Variants in ESYT2 observed in about 807,000 individuals in gnomAD.
The protein encoded by ESYT2 is extended synaptotagmin-2.
ESYT2 carries 54 observed loss-of-function variants against 107.2 expected under a neutral mutation model. The ratio of observed to expected loss-of-function variants is 0.50; its 90% CI spans 0.40 to 0.63. ESYT2 has a LOEUF of 0.63. ESYT2 is among the 30% of genes least tolerant of loss of function. ESYT2 has a pLI of 0.00. For synonymous variants in ESYT2, 491 were observed against 434.1 expected, an observed-to-expected ratio of 1.13 and a Z score of -1.63; for missense variants, 1,020 against 1,094.5, an observed-to-expected ratio of 0.93 and a Z score of 0.96.
intron 15 of ESYT2, among the ~76,000 whole-genome samples, chr7:158,748,494 C>T (rs1264857025): frequency 6.6e-6 from 1 of 152,108 alleles, no homozygotes; most frequent in South Asian, 2.1e-4. Flanking sequence ...GATAACGAGA[C>T]GGTCTAAAGC....
intron 10 of ESYT2, 92 bp downstream of exon 10, chr7:158,762,991 T>C (rs897514534): frequency 3.8e-6 from 3 of 789,246 alleles, no homozygotes; most frequent in Admixed American, 2.5e-5. Context: ...AGACAACAAG[T>C]ATACAAATGT....
chr7:158,780,927 T>C (rs1838758798), intron 6 of ESYT2, among the ~76,000 whole-genome samples: 1 of 152,110 alleles, frequency 6.6e-6, no homozygotes, highest in Non-Finnish European at 1.5e-5. Flanking sequence ...AACACGTGTG[T>C]ATGAGTGAGA....
rs777939452 is a variant in ESYT2 at position 158,749,720 on chromosome 7, C to T, written c.1486G>A (p.Gly496Arg). The T allele has an allele frequency of 2.5e-6, 4 of 1,613,810 alleles. No individual in the cohort carries two copies. The highest frequency in any genetic ancestry group is 2.2e-5 in the South Asian group (2 of 91,022). ...TTTGGGTTGCTGCTTATTTTCTTCC[C>T]TGACTACCCAAAACAAACAGAAAAC... Reference protein sequence around the residue: ...KTAVQRALKSGKKISSNPNPV... With the variant: ...KTAVQRALKSRKKISSNPNPV... The change falls in exon 15 of 23, where the codon GGG (glycine) becomes AGG (arginine). Residue 496 changes from glycine to arginine, a missense_variant. By Grantham distance (125) the Gly-to-Arg change is moderately radical (BLOSUM62 -2). Transcript: ENST00000275418.
chr7:158,800,900 T>C lies in ESYT2; in HGVS notation c.331-1828A>G, dbSNP rs541682354. Among the ~76,000 whole-genome samples, 4 of 152,256 alleles carry C rather than the reference T, an allele frequency of 2.6e-5. 1 individual carries two copies. The highest frequency in any genetic ancestry group is 9.6e-5 in the African/African-American group (4 of 41,572). On this transcript the variant is annotated intron_variant, in intron 1 of 22. Transcript: ENST00000275418. Reference sequence around the variant, plus strand: ...GGTACCGCCACACCCTGCTAATTTTTGTATTTTTAGTAGAGATGGGGTTTC... The same window carrying C: ...GGTACCGCCACACCCTGCTAATTTTCGTATTTTTAGTAGAGATGGGGTTTC...
intron 1 of ESYT2, chr7:158,827,771 C>G (rs1187210744): frequency 6.6e-6 from 1 of 152,178 alleles, no homozygotes; most frequent in Non-Finnish European, 1.5e-5. Flanking sequence ...CTTTTCTCCT[C>G]TAAGAGAAAA....
At chr7:158,759,804 T>C (rs1356422456) in intron 12 of ESYT2, among the ~76,000 whole-genome samples, 2 of 152,232 alleles carry the variant, frequency 1.3e-5, no homozygotes, top group Non-Finnish European at 2.9e-5. Flanking sequence ...TTTCTGGCTC[T>C]ACAAATCCCT....
Position 158,741,505 on chromosome 7 carries a change from A to T in ESYT2, c.2168+18T>A. ...GCTTGCTCTGCTGGTGAGAAACAAC[A>T]TGGTGGCACTTAGTTACTTTTCCAG... On this transcript the variant is annotated intron_variant, in intron 18 of 22. Coordinates refer to ENST00000275418, the MANE Select transcript of ESYT2 (RefSeq NM_001367773.1). The T allele has an allele frequency of 6.5e-7, 1 of 1,548,924 alleles. No homozygotes were observed. Among genetic ancestry groups the T allele is most frequent in the African/African-American group, 1.4e-5 (1 of 73,120 alleles).
At chr7:158,810,905 G>A (rs1217846835) in intron 1 of ESYT2, among the ~76,000 whole-genome samples, 1 of 152,000 alleles carries the variant, frequency 6.6e-6, no homozygotes. Flanking sequence ...GGTGATGGTT[G>A]CACAATCCTG....
At chr7:158,748,737 G>C (rs950825699) in intron 15 of ESYT2, among the ~76,000 whole-genome samples, 6 of 151,000 alleles carry the variant, frequency 4.0e-5, no homozygotes, top group Non-Finnish European at 7.4e-5. Flanking sequence ...TTTTTGGTAG[G>C]GGGGACAGAG....
chr7:158,741,525 T>C lies in ESYT2; in HGVS notation c.2166A>G (p.Glu722=), dbSNP rs77532359. 6.4e-4 allele frequency: 1,009 copies of C among 1,568,506 alleles called. 11 individuals are homozygous for C. In the East Asian group the frequency reaches 0.015, roughly 23 times the overall value. ...QELRQRLRQL[E]NGTTLGQSPL... ...ACAACATGGTGGCACTTAGTTACTT[T>C]TCCAGCTGCCTCAGCCTTTGCCGCA... The change falls in exon 18 of 23, where the codon GAA becomes GAG. Residue 722 remains glutamate (E), a splice_region_variant and synonymous_variant. Transcript: ENST00000275418.
At chr7:158,755,868 G>A (rs530172608) in intron 13 of ESYT2, among the ~76,000 whole-genome samples, 1 of 152,066 alleles carries the variant, frequency 6.6e-6, no homozygotes, top group Non-Finnish European at 1.5e-5. Context: ...GGGCCGTCAG[G>A]GGGTAGGGGG....
intron 10 of ESYT2, 103 bp downstream of exon 10, chr7:158,762,980 T>C (rs1016247318): frequency 2.3e-4 from 163 of 701,942 alleles, no homozygotes; most frequent in Non-Finnish European, 3.4e-4. Flanking sequence ...ATTTAATGAA[T>C]AGACAACAAG....
In ESYT2 at chr7:158,788,350, T is replaced by C; in HGVS notation, c.652A>G (p.Ile218Val). 6.2e-7 allele frequency: 1 copy of C among 1,609,354 alleles called. No individual in the cohort carries two copies. The highest frequency in any genetic ancestry group is 1.1e-5 in the South Asian group (1 of 89,308). ...CAAAAAAACAAAAAACTTACCTGGA[T>C]ACTTTTCACACCAGCTCTACAAAAA... ...RYFCRAGVKS[I>V]QIHGTMRVIL... The change falls in exon 5 of 23, where the codon ATC (isoleucine) becomes GTC (valine). Residue 218 changes from isoleucine (I) to valine (V), a missense_variant. Ile to Val is a conservative substitution (Grantham distance 29, BLOSUM62 3). Coordinates refer to ENST00000275418, the MANE Select transcript of ESYT2 (RefSeq NM_001367773.1).
At position 158,734,250 on chromosome 7, in the gene ESYT2, T is replaced by A. The variant is rs1836838139; in HGVS notation, c.2558A>T (p.Tyr853Phe). The A allele has an allele frequency of 6.2e-7, 1 of 1,614,000 alleles. No homozygotes were observed. The highest frequency in any genetic ancestry group is 1.3e-5 in the African/African-American group (1 of 74,910). Residue 853 changes from tyrosine (Y) to phenylalanine (F), a missense_variant and splice_region_variant, in exon 23 of 23, where the codon TAT becomes TTT. Coordinates refer to ENST00000275418, the MANE Select transcript of ESYT2 (RefSeq NM_001367773.1). ...CCTCGTCCCATCTTCCGTGAGGTCA[T>A]ACCTGAGAAAGACAGTGACAGGAAG... Reference protein sequence around the residue: ...EELAKGWTQWYDLTEDGTRPQ... With the variant: ...EELAKGWTQWFDLTEDGTRPQ...
At chr7:158,761,062 C>T (rs1449331003) in intron 11 of ESYT2, among the ~76,000 whole-genome samples, 1 of 152,156 alleles carries the variant, frequency 6.6e-6, no homozygotes, top group Non-Finnish European at 1.5e-5. Context: ...GTCTCCTTGC[C>T]ATGAGTTCCC....
chr7:158,775,530 G>A (rs1838531669), intron 6 of ESYT2, among the ~76,000 whole-genome samples: 1 of 152,166 alleles, frequency 6.6e-6, no homozygotes, highest in African/African-American at 2.4e-5. Flanking sequence ...ATCTTCACTA[G>A]GAGTAGATTC....
intron 22 of ESYT2, 34 bp from the exon 23 acceptor site, chr7:158,734,286 A>G: frequency 6.2e-7 from 1 of 1,613,994 alleles, no homozygotes; most frequent in Non-Finnish European, 8.5e-7. Flanking sequence ...GTGGTGACGG[A>G]TACAGGACCA....
At chr7:158,738,027 G>C (rs535288668) in intron 19 of ESYT2, among the ~76,000 whole-genome samples, 5 of 152,176 alleles carry the variant, frequency 3.3e-5, no homozygotes, top group African/African-American at 1.2e-4. Flanking sequence ...AGTGCTTTGG[G>C]AGGCCAGGAA....
intron 7 of ESYT2, 87 bp downstream of exon 7, chr7:158,773,254 T>TA: frequency 6.9e-7 from 1 of 1,456,886 alleles, no homozygotes. Context: ...ACGCAGGTCT[T>TA]AACCATTCTC....
Sources: gnomAD v4.1 joint callset for allele counts (sites outside exome capture counted in the v4.1 genomes callset) on GRCh38, gnomAD v4.1.1 for gene constraint, MANE v1.5 for transcripts, NCBI Gene and HGNC (gene_info 2026-07-23, HGNC 2026-07-21) for gene names.